Variants in UNC5D observed in about 807,000 individuals in gnomAD.
UNC5D encodes unc-5 netrin receptor D.
A neutral mutation model predicts 105.4 loss-of-function variants in UNC5D; 39 were observed. The observed-to-expected ratio is 0.37, with a 90% CI of 0.29 to 0.48. UNC5D has a LOEUF of 0.48. Among genes scored for constraint, UNC5D ranks in the 20% least tolerant of loss-of-function variants. UNC5D has a pLI of 0.98. For missense variants in UNC5D, 991 were observed against 1,202.4 expected (o/e 0.82, Z 2.60); for synonymous variants, 452 against 450.4 (o/e 1.00, Z -0.04).
chr8:35,364,623 G>A (rs367653574), intron 1 of UNC5D, among the ~76,000 whole-genome samples: 3 of 152,094 alleles, frequency 2.0e-5, no homozygotes, highest in African/African-American at 4.8e-5. Flanking sequence ...CAGTGAACAG[G>A]ACTAGAAAAT....
intron 1 of UNC5D, among the ~76,000 whole-genome samples, chr8:35,257,305 T>A (rs1047320192): frequency 6.6e-6 from 1 of 152,062 alleles, no homozygotes; most frequent in Non-Finnish European, 1.5e-5. Context: ...TAGATCACAG[T>A]TTTTCCTACT....
At chr8:35,785,703 T>C (rs1023122138) in intron 16 of UNC5D, among the ~76,000 whole-genome samples, 1 of 152,150 alleles carries the variant, frequency 6.6e-6, no homozygotes, top group Non-Finnish European at 1.5e-5. Flanking sequence ...AGTTTAATAG[T>C]GTGAGAAACA....
chr8:35,698,283 TGCCC>T (rs1826936934), intron 7 of UNC5D, among the ~76,000 whole-genome samples: 1 of 151,844 alleles, frequency 6.6e-6, no homozygotes, highest in Admixed American at 6.6e-5. Flanking sequence ...ATTTAAGTCT[TGCCC>T]TCTTAGCAGA....
At chr8:35,589,823 A>G (rs1464936910) in intron 3 of UNC5D, among the ~76,000 whole-genome samples, 7 of 152,176 alleles carry the variant, frequency 4.6e-5, no homozygotes, top group Non-Finnish European at 8.8e-5. Flanking sequence ...TGTAACGTGC[A>G]TCAATATTCT....
intron 1 of UNC5D, among the ~76,000 whole-genome samples, chr8:35,328,761 C>T (rs184285990): frequency 1.3e-5 from 2 of 152,260 alleles, no homozygotes; most frequent in Admixed American, 6.5e-5. Context: ...AGTCAGTCCG[C>T]GTCAGGAGCT....
At chr8:35,406,680 G>T (rs1030457186) in intron 1 of UNC5D, among the ~76,000 whole-genome samples, 1 of 152,160 alleles carries the variant, frequency 6.6e-6, no homozygotes, top group South Asian at 2.1e-4. Context: ...CCTTTTAAGG[G>T]CTTCCCTGGG....
chr8:35,741,243 A>T (rs1415944442), intron 11 of UNC5D, among the ~76,000 whole-genome samples: 3 of 152,196 alleles, frequency 2.0e-5, no homozygotes, highest in Non-Finnish European at 4.4e-5. Flanking sequence ...TAACATATGC[A>T]AACAGGGTAA....
At chr8:35,586,339 G>A (rs1468214683) in intron 3 of UNC5D, among the ~76,000 whole-genome samples, 2 of 152,156 alleles carry the variant, frequency 1.3e-5, no homozygotes, top group Non-Finnish European at 2.9e-5. Flanking sequence ...GCTTGCGGGA[G>A]GAGCGCAGAT....
chr8:35,296,716 T>C (rs2980395), intron 1 of UNC5D, among the ~76,000 whole-genome samples: 124,699 of 152,130 alleles, frequency 0.82, 51,572 homozygotes, highest in East Asian at 1. Context: ...CCACCATGCC[T>C]GGCCGTGGTA....
intron 1 of UNC5D, among the ~76,000 whole-genome samples, chr8:35,395,175 T>C (rs1482057793): frequency 1.3e-5 from 2 of 152,240 alleles, no homozygotes; most frequent in Non-Finnish European, 1.5e-5. Flanking sequence ...AAAGACCTTT[T>C]ATTCAAAGCA....
At position 35,686,584 on chromosome 8, in the gene UNC5D, G is replaced by A. The variant is rs1271985685; in HGVS notation, c.959G>A (p.Cys320Tyr). The stretch of plus-strand genomic sequence containing the variant: ...GAAGTGTGGAGCGAATGGTCCGTCT[G>A]CAGTCCAGAGTGTGAACATTTGCGG... ...SWEVWSEWSV[C>Y]SPECEHLRIR... The change falls in exon 7 of 17, where the codon TGC becomes TAC. Residue 320 changes from cysteine to tyrosine, a missense_variant. By Grantham distance (194) the Cys-to-Tyr change is radical. Coordinates refer to ENST00000404895, the MANE Select transcript of UNC5D (RefSeq NM_080872.4). 6.2e-7 allele frequency: 1 copy of A among 1,600,086 alleles called. No individual in the cohort carries two copies. The highest frequency in any genetic ancestry group is 8.5e-7 in the Non-Finnish European group (1 of 1,175,980).
intron 1 of UNC5D, among the ~76,000 whole-genome samples, chr8:35,496,245 T>C (rs992530431): frequency 1.3e-5 from 2 of 152,128 alleles, no homozygotes; most frequent in African/African-American, 2.4e-5. Flanking sequence ...GAGTAGGGGA[T>C]GGAGGAAGAC....
intron 2 of UNC5D, among the ~76,000 whole-genome samples, chr8:35,562,316 T>C (rs1817022627): frequency 6.6e-6 from 1 of 152,180 alleles, no homozygotes; most frequent in African/African-American, 2.4e-5. Flanking sequence ...CTCTTTGATA[T>C]ATTGATTTCC....
intron 1 of UNC5D, among the ~76,000 whole-genome samples, chr8:35,442,571 A>C (rs1416621431): frequency 3.3e-5 from 5 of 151,970 alleles, no homozygotes; most frequent in Non-Finnish European, 7.4e-5. Flanking sequence ...GTCCCACCTC[A>C]AATGTCCGGT....
At chr8:35,747,529 G>T (rs1048985834) in intron 11 of UNC5D, among the ~76,000 whole-genome samples, 1 of 152,122 alleles carries the variant, frequency 6.6e-6, no homozygotes, top group African/African-American at 2.4e-5. Flanking sequence ...CTCTCCCGTA[G>T]CATTGCTCTA....
chr8:35,662,588 C>G (rs1824177850), intron 4 of UNC5D, among the ~76,000 whole-genome samples: 1 of 152,198 alleles, frequency 6.6e-6, no homozygotes, highest in Non-Finnish European at 1.5e-5. Context: ...CAGCCTGGAG[C>G]AGGTAACACT....
At chr8:35,662,460 A>C (rs1345462770) in intron 4 of UNC5D, among the ~76,000 whole-genome samples, 1 of 152,164 alleles carries the variant, frequency 6.6e-6, no homozygotes, top group African/African-American at 2.4e-5. Flanking sequence ...TTGTGCAAAA[A>C]ACAAAGAAAA....
chr8:35,338,285 C>T (rs965740324), intron 1 of UNC5D, among the ~76,000 whole-genome samples: 12 of 152,054 alleles, frequency 7.9e-5, no homozygotes, highest in Admixed American at 5.9e-4. Context: ...TGCTATTCTT[C>T]AGGGTTTTTT....
intron 1 of UNC5D, among the ~76,000 whole-genome samples, chr8:35,264,163 G>T (rs182076854): frequency 8.9e-4 from 136 of 152,222 alleles, no homozygotes; most frequent in African/African-American, 3.1e-3. Flanking sequence ...TCTAGCTATC[G>T]CATATAAAGA....
Sources: gnomAD v4.1 joint callset for allele counts (sites outside exome capture counted in the v4.1 genomes callset) on GRCh38, gnomAD v4.1.1 for gene constraint, MANE v1.5 for transcripts, NCBI Gene and HGNC (gene_info 2026-07-23, HGNC 2026-07-21) for gene names.